The following ABCC4 variants were observed in gnomAD, a reference collection of about 807,000 sequenced individuals.
The protein encoded by ABCC4 is ATP binding cassette subfamily C member 4 (PEL blood group), also known as ATP-binding cassette sub-family C member 4.
In ABCC4, 102 loss-of-function variants were observed where a neutral mutation model predicts 168.5. The ratio of observed to expected loss-of-function variants is 0.61; its 90% CI spans 0.52 to 0.71. ABCC4 has a LOEUF of 0.71. Among genes scored for constraint, ABCC4 ranks in the 30% least tolerant of loss-of-function variants. ABCC4 has a pLI of 0.00. For synonymous variants in ABCC4, 617 were observed against 590.7 expected (o/e 1.04, Z -0.65); for missense variants, 1,402 against 1,605.8 (o/e 0.87, Z 2.17).
chr13:95,089,609 C>T (rs564127896), intron 20 of ABCC4, among the ~76,000 whole-genome samples: 126 of 151,842 alleles, frequency 8.3e-4, no homozygotes, highest in African/African-American at 2.6e-3. Flanking sequence ...AAAAAGAACA[C>T]TAAATAACAT....
At chr13:95,217,649 G>A (rs1039635814) in intron 4 of ABCC4, among the ~76,000 whole-genome samples, 15 of 151,656 alleles carry the variant, frequency 9.9e-5, no homozygotes, top group African/African-American at 3.4e-4. Flanking sequence ...CAGGAGAATC[G>A]CTTGAACCCG....
At chr13:95,181,542 A>G (rs894734125) in intron 11 of ABCC4, among the ~76,000 whole-genome samples, 1 of 152,212 alleles carries the variant, frequency 6.6e-6, no homozygotes, top group African/African-American at 2.4e-5. Context: ...GACCTGCCAT[A>G]TTCTGCCTCT....
At chr13:95,300,786 AAAAG>A (rs2041654488) in intron 1 of ABCC4, among the ~76,000 whole-genome samples, 1 of 152,190 alleles carries the variant, frequency 6.6e-6, no homozygotes, top group Non-Finnish European at 1.5e-5. Flanking sequence ...TGCTTACTTA[AAAAG>A]AAAGGAAAAG....
chr13:95,115,372 C>G (rs1290633879), intron 20 of ABCC4, among the ~76,000 whole-genome samples: 1 of 151,574 alleles, frequency 6.6e-6, no homozygotes, highest in Non-Finnish European at 1.5e-5. Flanking sequence ...CTCAAATTGG[C>G]TTAGATATCC....
At chr13:95,227,566 C>T (rs1049737229) in intron 4 of ABCC4, among the ~76,000 whole-genome samples, 2 of 152,176 alleles carry the variant, frequency 1.3e-5, no homozygotes, top group Admixed American at 1.3e-4. Flanking sequence ...ACACACACCA[C>T]ACAGTTTCAC....
chr13:95,289,534 C>A (rs1375841859), intron 1 of ABCC4, among the ~76,000 whole-genome samples: 1 of 152,080 alleles, frequency 6.6e-6, no homozygotes, highest in African/African-American at 2.4e-5. Context: ...TCGAAGAACC[C>A]GGCATCTCTA....
At chr13:95,169,810 A>AG (rs2037405069) in intron 14 of ABCC4, among the ~76,000 whole-genome samples, 1 of 152,200 alleles carries the variant, frequency 6.6e-6, no homozygotes, top group Non-Finnish European at 1.5e-5. Context: ...TGCTGTGACT[A>AG]GGGGTTGCTC....
intron 20 of ABCC4, among the ~76,000 whole-genome samples, chr13:95,088,863 A>G (rs1307622282): frequency 1.3e-5 from 2 of 152,014 alleles, no homozygotes; most frequent in Non-Finnish European, 2.9e-5. Context: ...GGAGAAAATG[A>G]TTAAATAGAA....
At chr13:95,163,280 T>C in intron 17 of ABCC4, 64 bp from the exon 18 acceptor site, 1 of 1,181,038 alleles carries the variant, frequency 8.5e-7, no homozygotes, top group South Asian at 1.4e-5. Context: ...TACATTTTTT[T>C]AAAAATGAAC....
intron 3 of ABCC4, among the ~76,000 whole-genome samples, chr13:95,241,121 C>G (rs995383785): frequency 6.6e-6 from 1 of 151,982 alleles, no homozygotes; most frequent in Non-Finnish European, 1.5e-5. Context: ...TCCCAGCACT[C>G]TGGGAGGCCA....
intron 19 of ABCC4, among the ~76,000 whole-genome samples, chr13:95,159,381 T>C (rs913464193): frequency 1.3e-5 from 2 of 151,934 alleles, no homozygotes; most frequent in African/African-American, 4.8e-5. Flanking sequence ...TTCTATTTTG[T>C]TGAAGGAATA....
At chr13:95,068,266 A>G (rs1008683290) in intron 25 of ABCC4, among the ~76,000 whole-genome samples, 1 of 152,300 alleles carries the variant, frequency 6.6e-6, no homozygotes, top group Non-Finnish European at 1.5e-5. Context: ...CCAACTCACC[A>G]CGATGTTGCC....
chr13:95,045,161 T>C (rs1237470697), intron 27 of ABCC4, among the ~76,000 whole-genome samples: 1 of 152,172 alleles, frequency 6.6e-6, no homozygotes, highest in Non-Finnish European at 1.5e-5. Flanking sequence ...ATGAAGCTCA[T>C]GCTCCCAATA....
chr13:95,123,399 G>C (rs913777094), intron 19 of ABCC4, among the ~76,000 whole-genome samples: 1 of 152,170 alleles, frequency 6.6e-6, no homozygotes, highest in African/African-American at 2.4e-5. Context: ...GTCTCACTCT[G>C]TTGCCCAGGC....
chr13:95,212,530 C>CT (rs1304184189), intron 4 of ABCC4, among the ~76,000 whole-genome samples: 1 of 152,216 alleles, frequency 6.6e-6, no homozygotes, highest in Non-Finnish European at 1.5e-5. Flanking sequence ...CCAACTTGAA[C>CT]TATCATCCAC....
At chr13:95,042,651 C>T (rs530914473) in intron 29 of ABCC4, among the ~76,000 whole-genome samples, 2 of 152,270 alleles carry the variant, frequency 1.3e-5, no homozygotes, top group Admixed American at 6.5e-5. Flanking sequence ...AATGGGCACA[C>T]TTCAATAATG....
In ABCC4 at chr13:95,246,430, T is replaced by G. The variant is rs140508803; in HGVS notation, c.306+545A>C. On this transcript the variant is annotated intron_variant, in intron 3 of 30. Coordinates refer to ENST00000645237, the MANE Select transcript of ABCC4 (RefSeq NM_005845.5). ...TCTGGGGCACCACCGCCAGCCCAGG[T>G]GCAAGGCCCTCAGCTCTGTTTCCCC... Among the ~76,000 whole-genome samples the G allele has an allele frequency of 7.9e-5, 12 of 152,316 alleles. No homozygotes were observed. In the East Asian group the frequency reaches 2.3e-3, roughly 29 times the overall value.
chr13:95,034,284 T>A (rs1424643687), intron 30 of ABCC4, among the ~76,000 whole-genome samples: 1 of 152,248 alleles, frequency 6.6e-6, no homozygotes, highest in African/African-American at 2.4e-5. Flanking sequence ...ATGTGCTCTA[T>A]GCCTTTTTCT....
intron 1 of ABCC4, among the ~76,000 whole-genome samples, chr13:95,259,849 G>C (rs1287106118): frequency 7.1e-5 from 9 of 126,380 alleles, no homozygotes; most frequent in African/African-American, 3.7e-4. Flanking sequence ...CATCTGTGTA[G>C]TGTGGGGAAA....
Sources: allele counts gnomAD v4.1 joint callset (sites outside exome capture counted in the v4.1 genomes callset), GRCh38; gene constraint gnomAD v4.1.1; transcripts MANE v1.5; gene names NCBI Gene and HGNC (gene_info 2026-07-23, HGNC 2026-07-21).